Variants in CYP39A1 observed in about 807,000 individuals in gnomAD.
The protein encoded by CYP39A1 is 24-hydroxycholesterol 7-alpha-hydroxylase.
CYP39A1 carries 49 observed loss-of-function variants against 58.1 expected under a neutral mutation model. The observed-to-expected ratio is 0.84, with a 90% CI of 0.67 to 1.07. The LOEUF (loss-of-function observed/expected upper bound fraction) is 1.07, where lower values mean the gene tolerates loss of function less well. Ranked by LOEUF, CYP39A1 falls within the 50% of genes least tolerant of loss-of-function variation. CYP39A1 has a pLI of 0.00. For missense variants in CYP39A1, 531 were observed against 539.4 expected (o/e 0.98, Z 0.16); for synonymous variants, 209 against 187.6 (o/e 1.11, Z -0.93).
At position 46,639,478 on chromosome 6, in the gene CYP39A1, T is replaced by TA; in HGVS notation, c.488+15dup. 6.2e-7 allele frequency: 1 copy of TA among 1,611,022 alleles called. No homozygotes were observed. The highest frequency in any genetic ancestry group is 2.2e-5 in the East Asian group (1 of 44,820). On this transcript the variant is annotated intron_variant, in intron 3 of 11. Transcript: ENST00000275016. ...AACAAAAAGCAAGACTAAATCATAC[T>TA]AATGCGTCTATTTACCTTACTAAGT...
chr6:46,628,939 A>G (rs1369907886), intron 6 of CYP39A1, among the ~76,000 whole-genome samples: 2 of 152,234 alleles, frequency 1.3e-5, no homozygotes, highest in Non-Finnish European at 2.9e-5. Flanking sequence ...ATTAGCCACA[A>G]TCTATTTCTT....
chr6:46,627,429 T>A (rs1469178189), intron 6 of CYP39A1, among the ~76,000 whole-genome samples: 1 of 132,676 alleles, frequency 7.5e-6, no homozygotes, highest in Admixed American at 6.9e-5. Context: ...TTTATTTTTT[T>A]TTTTTTTGAG....
At position 46,652,688 on chromosome 6, in the gene CYP39A1, G is replaced by T; in HGVS notation, c.-106C>A. 2 of 1,066,428 alleles carry T rather than the reference G, an allele frequency of 1.9e-6. No homozygotes were observed. Among genetic ancestry groups the T allele is most frequent in the Non-Finnish European group, 2.6e-6 (2 of 761,566 alleles). The allele number at this position is 1,066,428 out of a possible 1,614,324, so 66.1% of individuals were successfully genotyped here. ...ACCTGTCGGGACTCCCAACCTTTCT[G>T]CTGCAACTTTTGCAGCTCTCCTTCG... is the stretch of plus-strand genomic sequence containing the variant. On this transcript the variant is annotated 5_prime_UTR_variant, in exon 1 of 12. Coordinates refer to ENST00000275016, the MANE Select transcript of CYP39A1 (RefSeq NM_016593.5).
At chr6:46,633,045 T>C (rs921499986) in intron 5 of CYP39A1, among the ~76,000 whole-genome samples, 2 of 152,228 alleles carry the variant, frequency 1.3e-5, no homozygotes, top group Non-Finnish European at 2.9e-5. Flanking sequence ...GCTTTCTGGA[T>C]TTAACATCCT....
At chr6:46,613,763 C>G (rs1582401134) in intron 7 of CYP39A1, among the ~76,000 whole-genome samples, 2 of 148,640 alleles carry the variant, frequency 1.3e-5, no homozygotes, top group Non-Finnish European at 3.0e-5. Flanking sequence ...CAGTGGGAGC[C>G]CTGAATTAGA....
At chr6:46,632,830 T>A (rs1775744360) in intron 5 of CYP39A1, among the ~76,000 whole-genome samples, 1 of 152,016 alleles carries the variant, frequency 6.6e-6, no homozygotes, top group African/African-American at 2.4e-5. Flanking sequence ...CTGGCCCCCT[T>A]AGAGACACAA....
chr6:46,581,665 G>C (rs918870341), intron 10 of CYP39A1, among the ~76,000 whole-genome samples: 4 of 152,184 alleles, frequency 2.6e-5, no homozygotes, highest in East Asian at 1.9e-4. Flanking sequence ...AGCATGGGAG[G>C]GGGGTGAGGC....
chr6:46,608,661 C>G (rs1241535719), intron 7 of CYP39A1, among the ~76,000 whole-genome samples: 2 of 151,796 alleles, frequency 1.3e-5, no homozygotes, highest in East Asian at 3.9e-4. Flanking sequence ...GTTGCCCAGG[C>G]TAGAGTGCAG....
chr6:46,645,564 C>T (rs1762271813), intron 1 of CYP39A1, among the ~76,000 whole-genome samples: 1 of 152,134 alleles, frequency 6.6e-6, no homozygotes, highest in South Asian at 2.1e-4. Flanking sequence ...AGTACTAAAT[C>T]ATCTTGATTA....
chr6:46,617,749 G>C (rs1774698233), intron 7 of CYP39A1, among the ~76,000 whole-genome samples: 1 of 152,070 alleles, frequency 6.6e-6, no homozygotes, highest in Non-Finnish European at 1.5e-5. Flanking sequence ...GCATAAAATA[G>C]GGCAAACAAT....
intron 7 of CYP39A1, among the ~76,000 whole-genome samples, chr6:46,599,426 T>C (rs1035332659): frequency 1.3e-5 from 2 of 151,240 alleles, no homozygotes; most frequent in African/African-American, 4.9e-5. Flanking sequence ...TGAAATAGAG[T>C]CTGGTGTAGC....
At chr6:46,603,865 G>A (rs1773666533) in intron 7 of CYP39A1, among the ~76,000 whole-genome samples, 1 of 152,126 alleles carries the variant, frequency 6.6e-6, no homozygotes, top group African/African-American at 2.4e-5. Flanking sequence ...GCTCCTCATT[G>A]TACTTCCTAT....
chr6:46,552,533 A>C (rs1024079053), intron 11 of CYP39A1, among the ~76,000 whole-genome samples: 6 of 152,198 alleles, frequency 3.9e-5, no homozygotes, highest in Middle Eastern at 3.2e-3. Context: ...AGTTTTATTT[A>C]TCTCTCCATA....
intron 11 of CYP39A1, among the ~76,000 whole-genome samples, chr6:46,551,152 TC>T (rs1770374400): frequency 6.6e-6 from 1 of 151,938 alleles, no homozygotes; most frequent in Non-Finnish European, 1.5e-5. Flanking sequence ...CAATTTAGAA[TC>T]AGTCTATTTT....
chr6:46,651,250 G>A (rs945074103), intron 1 of CYP39A1, among the ~76,000 whole-genome samples: 1 of 152,186 alleles, frequency 6.6e-6, no homozygotes, highest in African/African-American at 2.4e-5. Context: ...ACGCAAGAAT[G>A]TTCACTGAAG....
chr6:46,631,853 G>T (rs1034091497), intron 5 of CYP39A1, among the ~76,000 whole-genome samples: 1 of 152,158 alleles, frequency 6.6e-6, no homozygotes, highest in African/African-American at 2.4e-5. Context: ...TTCTTCATCG[G>T]GCGGTTTCCC....
At chr6:46,618,472 C>T (rs1187559151) in intron 7 of CYP39A1, among the ~76,000 whole-genome samples, 1 of 151,904 alleles carries the variant, frequency 6.6e-6, no homozygotes, top group Non-Finnish European at 1.5e-5. Context: ...GATAACAAAG[C>T]AAAAATATTC....
At chr6:46,585,322 TATAG>T (rs3837039) in intron 10 of CYP39A1, among the ~76,000 whole-genome samples, 36,141 of 149,708 alleles carry the variant, frequency 0.24, 4,422 homozygotes, top group Non-Finnish European at 0.29. Flanking sequence ...TTGCTATTGG[TATAG>T]ATAGATAGAT....
At chr6:46,648,298 G>T (rs1325561178) in intron 1 of CYP39A1, among the ~76,000 whole-genome samples, 1 of 152,000 alleles carries the variant, frequency 6.6e-6, no homozygotes, top group Non-Finnish European at 1.5e-5. Context: ...TTAAGAAAAT[G>T]TGGTACATAT....
Sources: allele counts gnomAD v4.1 joint callset (sites outside exome capture counted in the v4.1 genomes callset), GRCh38; gene constraint gnomAD v4.1.1; transcripts MANE v1.5; gene names NCBI Gene and HGNC (gene_info 2026-07-23, HGNC 2026-07-21).